TMEM151A: variants seen among roughly 807,000 people sequenced by gnomAD.
TMEM151A encodes transmembrane protein 151.
A neutral mutation model predicts 33.7 loss-of-function variants in TMEM151A; 21 were observed. The observed-to-expected ratio is 0.62, with a 90% CI of 0.44 to 0.90. TMEM151A has a LOEUF of 0.90. Ranked by LOEUF, TMEM151A falls within the 40% of genes least tolerant of loss-of-function variation. TMEM151A has a pLI of 0.00. For synonymous variants in TMEM151A, 374 were observed against 330.3 expected, an observed-to-expected ratio of 1.13 and a Z score of -1.43; for missense variants, 704 against 697.7, an observed-to-expected ratio of 1.01 and a Z score of -0.10.
At position 66,296,205 on chromosome 11, in the gene TMEM151A, TC is replaced by T. The variant is rs1367002577; in HGVS notation, c.*553del. On this transcript the variant is annotated 3_prime_UTR_variant, in exon 2 of 2. Transcript: ENST00000327259. ...AGGCCCCTCCTCCTTGCCTGCCCTC[TC>T]TCCCGCTGCTCAGGGCCAGTCACTC... 6.5e-6 allele frequency: 1 copy of T among 153,358 alleles called. No individual in the cohort carries two copies. The highest frequency in any genetic ancestry group is 2.4e-5 in the African/African-American group (1 of 41,382). 9.5% of individuals were successfully genotyped at this position (153,358 alleles called of 1,614,324 possible).
rs377003155 is a variant in TMEM151A at position 66,295,284 on chromosome 11, C to T, written c.1038C>T (p.Leu346=). 1.1e-5 allele frequency: 17 copies of T among 1,577,266 alleles called. No homozygotes were observed. In the Admixed American group the frequency reaches 2.2e-4, roughly 20 times the overall value. The change falls in exon 2 of 2, where the codon CTC becomes CTT. Residue 346 remains leucine (L), a synonymous_variant. Coordinates refer to ENST00000327259, the MANE Select transcript of TMEM151A (RefSeq NM_153266.4). The part of the protein sequence containing the change: ...SRVATVDFTE[L]EWHICSNRQL... ...TGGCCACAGTGGACTTCACTGAGCT[C>T]GAGTGGCACATCTGCTCCAACCGGC...
At chr11:66,293,512 C>A (rs745593758) in intron 1 of TMEM151A, among the ~76,000 whole-genome samples, 1 of 152,040 alleles carries the variant, frequency 6.6e-6, no homozygotes, top group Non-Finnish European at 1.5e-5. Flanking sequence ...TGTGTCCCAC[C>A]CCCTTGCTCA....
rs942950224 is a variant in TMEM151A, at chr11:66,292,639, C to A, written c.75+551C>A. Among the ~76,000 whole-genome samples the A allele has an allele frequency of 1.3e-5, 2 of 152,174 alleles. No individual in the cohort carries two copies. Among genetic ancestry groups the A allele is most frequent in the African/African-American group, 2.4e-5 (1 of 41,440 alleles). The stretch of plus-strand genomic sequence containing the variant: ...CCAGGAAGGTCTGCAGGACCTGGGG[C>A]CCCGAGTGATGTGTGGGGTGATAGG... On this transcript the variant is annotated intron_variant, in intron 1 of 1. Transcript: ENST00000327259. This position sits in a 1 kb window ranked among gnomAD's most constrained non-coding sequence, Gnocchi z 4.7.
In TMEM151A at chr11:66,296,008, T is replaced by A. The variant is rs1854315199; in HGVS notation, c.*355T>A. On this transcript the variant is annotated 3_prime_UTR_variant, in exon 2 of 2. Coordinates refer to ENST00000327259, the MANE Select transcript of TMEM151A (RefSeq NM_153266.4). ...GCAGCAGAGGCTGCCTGTGGACACT[T>A]CCCTACCGGGGCTGAGGCCATGCTG... is the stretch of plus-strand genomic sequence containing the variant. The A allele has an allele frequency of 4.9e-6, 1 of 205,166 alleles. No individual in the cohort carries two copies. The highest frequency in any genetic ancestry group is 1.1e-4 in the East Asian group (1 of 9,382). The allele number at this position is 205,166 out of a possible 1,614,324, so 12.7% of individuals were successfully genotyped here.
At position 66,292,767 on chromosome 11, in the gene TMEM151A, AG is replaced by A. The variant is rs1346568413; in HGVS notation, c.75+683del. 3.4e-5 allele frequency among the ~76,000 whole-genome samples: 5 copies of A among 147,520 alleles called. No individual in the cohort carries two copies. Among genetic ancestry groups the A allele is most frequent in the Non-Finnish European group, 7.5e-5 (5 of 66,992 alleles). ...GGTGTGTGCGCCCTGTAGTCAGGTG[AG>A]GGGCGAGTGGGTGCCTGGCTCGGGT... On this transcript the variant is annotated intron_variant, in intron 1 of 1. Coordinates refer to ENST00000327259, the MANE Select transcript of TMEM151A (RefSeq NM_153266.4). This position sits in a 1 kb window ranked among gnomAD's most constrained non-coding sequence, Gnocchi z 4.7.
intron 1 of TMEM151A, among the ~76,000 whole-genome samples, chr11:66,293,826 A>C (rs1478889661): frequency 1.3e-5 from 2 of 152,196 alleles, no homozygotes; most frequent in African/African-American, 4.8e-5. Flanking sequence ...GTCATACAGT[A>C]AGTAGTGGAG....
chr11:66,295,633 G>A lies in TMEM151A; in HGVS notation c.1387G>A (p.Asp463Asn), dbSNP rs944961184. The change falls in exon 2 of 2, where the codon GAT (aspartate) becomes AAT (asparagine). Residue 463 changes from aspartate to asparagine, a missense_variant. Asp to Asn is a conservative substitution (Grantham distance 23, BLOSUM62 1). Coordinates refer to ENST00000327259, the MANE Select transcript of TMEM151A (RefSeq NM_153266.4). ...CCACGGAGACAGCGGCTGCCAGGGG[G>A]ATGGGCAGGGTGCTCTCTGAGACCC... ...IVHGDSGCQG[D>N]GQGAL 3 of 1,540,268 alleles carry A rather than the reference G, an allele frequency of 1.9e-6. No homozygotes were observed. In the Admixed American group the frequency reaches 5.9e-5, roughly 30 times the overall value.
In TMEM151A at chr11:66,294,910, A is replaced by G. The variant is rs1161989971; in HGVS notation, c.664A>G (p.Lys222Glu). ...EHAATRLRFT[K>E]CFSFGSAEAE... ...CGCGGCCACGCGGCTGCGCTTCACCAAGTGCTTCAGCTTCGGCAGCGCGGA... is the reference window on the plus strand; with the variant it reads ...CGCGGCCACGCGGCTGCGCTTCACCGAGTGCTTCAGCTTCGGCAGCGCGGA... Residue 222 changes from lysine to glutamate, a missense_variant, in exon 2 of 2, where the codon AAG becomes GAG. Physicochemically the swap from Lys to Glu is moderately conservative, Grantham distance 56. Coordinates refer to ENST00000327259, the MANE Select transcript of TMEM151A (RefSeq NM_153266.4). 1 of 1,539,560 alleles carries G rather than the reference A, an allele frequency of 6.5e-7. No individual in the cohort carries two copies. Among genetic ancestry groups the G allele is most frequent in the African/African-American group, 1.4e-5 (1 of 73,074 alleles).
chr11:66,295,221 G>A lies in TMEM151A; in HGVS notation c.975G>A (p.Pro325=), dbSNP rs112568150. Residue 325 remains proline, a synonymous_variant, in exon 2 of 2, where the codon CCG becomes CCA. Coordinates refer to ENST00000327259, the MANE Select transcript of TMEM151A (RefSeq NM_153266.4). Reference sequence around the variant, plus strand: ...AGCTCTTTGGCGCCAGCTCGCCCCCGCCGGGGGCCGTGCCCAGCGGGCCCC... The same window carrying A: ...AGCTCTTTGGCGCCAGCTCGCCCCCACCGGGGGCCGTGCCCAGCGGGCCCC... ...VEKLFGASSP[P]PGAVPSGPPL... is the part of the protein sequence containing the mutation. 1.9e-6 allele frequency: 3 copies of A among 1,566,466 alleles called. No individual in the cohort carries two copies. The highest frequency in any genetic ancestry group is 2.4e-5 in the East Asian group (1 of 42,196).
At chr11:66,293,600 C>T (rs1443176810) in intron 1 of TMEM151A, among the ~76,000 whole-genome samples, 5 of 152,106 alleles carry the variant, frequency 3.3e-5, no homozygotes, top group Non-Finnish European at 7.4e-5. Context: ...CTTGAGGCTC[C>T]CTCTTTCTCA....
At position 66,295,765 on chromosome 11, in the gene TMEM151A, G is replaced by C. The variant is rs1337297263; in HGVS notation, c.*112G>C. On this transcript the variant is annotated 3_prime_UTR_variant, in exon 2 of 2. Transcript: ENST00000327259. Reference sequence around the variant, plus strand: ...GGAAAACAGACCAGCCACACACAAGGGGCAGGGGTGAGGGTGGGGGTGGGG... The same window carrying C: ...GGAAAACAGACCAGCCACACACAAGCGGCAGGGGTGAGGGTGGGGGTGGGG... 2.8e-6 allele frequency: 3 copies of C among 1,078,138 alleles called. No homozygotes were observed. The highest frequency in any genetic ancestry group is 6.5e-5 in the East Asian group (2 of 30,778). The allele number at this position is 1,078,138 out of a possible 1,614,324, so 66.8% of individuals were successfully genotyped here. A position where few individuals can be genotyped will look rare whatever the true frequency, so the allele number is the denominator to read the frequency against.
At position 66,295,269 on chromosome 11, in the gene TMEM151A, G is replaced by A. The variant is rs1590901747; in HGVS notation, c.1023G>A (p.Val341=). The change falls in exon 2 of 2, where the codon GTG becomes GTA. Residue 341 remains valine, a synonymous_variant. Transcript: ENST00000327259. ...SGPPLSRVAT[V]DFTELEWHIC... ...CCCCGCTGTCCCGCGTGGCCACAGT[G>A]GACTTCACTGAGCTCGAGTGGCACA... The A allele has an allele frequency of 6.4e-7, 1 of 1,567,296 alleles. No homozygotes were observed. The highest frequency in any genetic ancestry group is 1.2e-5 in the South Asian group (1 of 86,118).
At chr11:66,293,853 G>C (rs1307091689) in intron 1 of TMEM151A, among the ~76,000 whole-genome samples, 1 of 152,186 alleles carries the variant, frequency 6.6e-6, no homozygotes, top group Non-Finnish European at 1.5e-5. Flanking sequence ...CTGGCTCCTG[G>C]GCAGTGGAAC....
Position 66,294,745 on chromosome 11 carries a change from C to T in TMEM151A, c.499C>T (p.Arg167Cys). 3 of 1,552,058 alleles carry T rather than the reference C, an allele frequency of 1.9e-6. No homozygotes were observed. Among genetic ancestry groups the T allele is most frequent in the Non-Finnish European group, 1.7e-6 (2 of 1,149,296 alleles). ...HYVRRTRQITRYRNGDAYTTT... is the reference protein window; with the variant it reads ...HYVRRTRQITCYRNGDAYTTT... Reference sequence around the variant, plus strand: ...CGTGCGGCGCACACGCCAGATCACGCGCTACCGCAACGGCGACGCCTACAC... The same window carrying T: ...CGTGCGGCGCACACGCCAGATCACGTGCTACCGCAACGGCGACGCCTACAC... The change falls in exon 2 of 2, where the codon CGC becomes TGC. Residue 167 changes from arginine (R) to cysteine (C), a missense_variant. Transcript: ENST00000327259.
In TMEM151A at chr11:66,294,885, C is replaced by A. The variant is rs557517237; in HGVS notation, c.639C>A (p.His213Gln). 2.1e-5 allele frequency: 33 copies of A among 1,536,322 alleles called. 1 individual carries two copies. In the South Asian group the frequency reaches 3.9e-4, roughly 18 times the overall value. Residue 213 changes from histidine to glutamine, a missense_variant, in exon 2 of 2, where the codon CAC (histidine) becomes CAA (glutamine). This residue lies in a region of TMEM151A where 301 missense variants were observed against 323.4 expected (regional missense o/e 0.93). Coordinates refer to ENST00000327259, the MANE Select transcript of TMEM151A (RefSeq NM_153266.4). ...AGGAGCTGGTGGGGCTGGCGGAGCA[C>A]GCGGCCACGCGGCTGCGCTTCACCA... ...VSKELVGLAEHAATRLRFTKC... is the reference protein window; with the variant it reads ...VSKELVGLAEQAATRLRFTKC...
Position 66,294,390 on chromosome 11 carries a change from C to T in TMEM151A, c.144C>T (p.Leu48=). 3 of 1,611,680 alleles carry T rather than the reference C, an allele frequency of 1.9e-6. No individual in the cohort carries two copies. The highest frequency in any genetic ancestry group is 1.7e-6 in the Non-Finnish European group (2 of 1,179,898). The part of the protein sequence containing the change: ...CRESHWKCLL[L]TLLIHACGAV... The stretch of plus-strand genomic sequence containing the variant: ...AGTCGCACTGGAAGTGCCTGCTCCT[C>T]ACGCTGCTCATCCACGCCTGCGGGG... Residue 48 remains leucine, a synonymous_variant, in exon 2 of 2, where the codon CTC becomes CTT. Coordinates refer to ENST00000327259, the MANE Select transcript of TMEM151A (RefSeq NM_153266.4).
At position 66,295,826 on chromosome 11, in the gene TMEM151A, C is replaced by A; in HGVS notation, c.*173C>A. The A allele has an allele frequency of 2.0e-6, 1 of 510,802 alleles. No homozygotes were observed. Among genetic ancestry groups the A allele is most frequent in the Non-Finnish European group, 3.1e-6 (1 of 323,706 alleles). 31.6% of individuals were successfully genotyped at this position (510,802 alleles called of 1,614,324 possible). A position where few individuals can be genotyped will look rare whatever the true frequency, so the allele number is the denominator to read the frequency against. ...AGACTAAAATGCAGTTACCTGTGGT[C>A]ATTTTGGAGGAAGTGGAAGCCTAAG... On this transcript the variant is annotated 3_prime_UTR_variant, in exon 2 of 2. Transcript: ENST00000327259.
intron 1 of TMEM151A, among the ~76,000 whole-genome samples, chr11:66,293,192 G>T (rs1181641603): frequency 6.6e-6 from 1 of 152,104 alleles, no homozygotes; most frequent in Non-Finnish European, 1.5e-5. Context: ...GGCCTTGCAG[G>T]TCAGCTGGCG....
In TMEM151A at chr11:66,295,159, G is replaced by T. The variant is rs1184477593; in HGVS notation, c.913G>T (p.Ala305Ser). 2 of 1,585,452 alleles carry T rather than the reference G, an allele frequency of 1.3e-6. No individual in the cohort carries two copies. The highest frequency in any genetic ancestry group is 2.2e-5 in the South Asian group (2 of 89,260). Reference protein sequence around the residue: ...TLSWPLRVVAAYGTAHVHYQV... With the variant: ...TLSWPLRVVASYGTAHVHYQV... ...GTCGTGGCCCCTGCGCGTCGTGGCC[G>T]CCTATGGCACGGCTCACGTGCACTA... The change falls in exon 2 of 2, where the codon GCC (alanine) becomes TCC (serine). Residue 305 changes from alanine (A) to serine (S), a missense_variant. Ala to Ser is a moderately conservative substitution (Grantham distance 99). Coordinates refer to ENST00000327259, the MANE Select transcript of TMEM151A (RefSeq NM_153266.4).
Sources: allele counts gnomAD v4.1 joint callset (sites outside exome capture counted in the v4.1 genomes callset), GRCh38; gene constraint gnomAD v4.1.1; regional missense constraint gnomAD v4.1.1; non-coding constraint Gnocchi (gnomAD v3.1); transcripts MANE v1.5; gene names NCBI Gene and HGNC (gene_info 2026-07-23, HGNC 2026-07-21).